The following RELN variants were observed in gnomAD, a reference collection of about 807,000 sequenced individuals.
RELN encodes the protein reelin.
In RELN, 108 loss-of-function variants were observed where a neutral mutation model predicts 427.6. That is an observed-to-expected ratio of 0.25 (90% confidence interval 0.22 to 0.30). RELN has a LOEUF of 0.30. Among genes scored for constraint, RELN ranks in the 10% least tolerant of loss-of-function variants. The probability of loss-of-function intolerance (pLI) is 1.00; values close to 1 mark genes in which losing one functional copy is unlikely to be tolerated. For synonymous variants in RELN, 1,524 were observed against 1,513.4 expected, an observed-to-expected ratio of 1.01 and a Z score of -0.16; for missense variants, 3,715 against 4,302.8, an observed-to-expected ratio of 0.86 and a Z score of 3.82.
In RELN at chr7:103,796,909, G is replaced by C. The variant is rs546916577; in HGVS notation, c.474-20282C>G. Among the ~76,000 whole-genome samples, 754 of 125,718 alleles carry C rather than the reference G, an allele frequency of 6.0e-3. 4 individuals are homozygous for C. The highest frequency in any genetic ancestry group is 0.022 in the African/African-American group (701 of 31,810). The allele number at this position is 125,718 out of a possible 152,430, so 82.5% of individuals were successfully genotyped here. On this transcript the variant is annotated intron_variant, in intron 3 of 64. Transcript: ENST00000428762. ...AAAAAAAAAAAGAAAGAAAGAAAAA[G>C]AAAAAGAAAAAGAAAGTAAGGATAC...
At chr7:103,747,084 C>G (rs369882229) in intron 6 of RELN, among the ~76,000 whole-genome samples, 1 of 152,130 alleles carries the variant, frequency 6.6e-6, no homozygotes, top group East Asian at 1.9e-4. Flanking sequence ...TATGCAGCCA[C>G]AAAAAATGAT....
chr7:103,514,533 C>T (rs909247260), intron 50 of RELN, among the ~76,000 whole-genome samples: 3 of 152,120 alleles, frequency 2.0e-5, no homozygotes. Context: ...GTGTCACATG[C>T]TTGTAATCCC....
At chr7:103,515,123 G>T (rs1829528317) in intron 50 of RELN, 62 bp downstream of exon 50, 3 of 1,609,322 alleles carry the variant, frequency 1.9e-6, no homozygotes, top group South Asian at 1.1e-5. Flanking sequence ...CTTTTGAAAA[G>T]ACCCAAATCC....
Position 103,543,549 on chromosome 7 carries a change from G to A in RELN, c.6524-671C>T, listed in dbSNP as rs186947547. ...TCATCTTGGCTACTTGGGAGGCTGA[G>A]GCAGGAGAATTACTTGAACCCGGGA... On this transcript the variant is annotated intron_variant, in intron 42 of 64. Transcript: ENST00000428762. 4.1e-4 allele frequency among the ~76,000 whole-genome samples: 63 copies of A among 152,168 alleles called. No homozygotes were observed. In the East Asian group the frequency reaches 0.01, roughly 25 times the overall value.
At chr7:103,712,597 A>C (rs756396729) in intron 8 of RELN, among the ~76,000 whole-genome samples, 11 of 152,228 alleles carry the variant, frequency 7.2e-5, no homozygotes, top group Non-Finnish European at 1.5e-4. Context: ...CTGCAGTGAA[A>C]TGCATGATAA....
chr7:103,543,065 G>A (rs529339696), intron 42 of RELN, among the ~76,000 whole-genome samples, 187 bp from the exon 43 acceptor site: 1 of 152,318 alleles, frequency 6.6e-6, no homozygotes, highest in South Asian at 2.1e-4. Flanking sequence ...AGCCTTGGCT[G>A]GAATAATTTA....
At chr7:103,942,193 A>G (rs980904736) in intron 1 of RELN, among the ~76,000 whole-genome samples, 1 of 152,168 alleles carries the variant, frequency 6.6e-6, no homozygotes, top group Non-Finnish European at 1.5e-5. Context: ...ATTTTCAAGG[A>G]TACAATAATT....
chr7:103,610,959 T>C, intron 21 of RELN, 152 bp from the exon 22 acceptor site: 1 of 671,674 alleles, frequency 1.5e-6, no homozygotes, highest in Middle Eastern at 2.4e-4. Context: ...TGATTTTTCT[T>C]TCCATGAAGC....
chr7:103,833,453 T>G (rs1326667245), intron 3 of RELN, 84 bp downstream of exon 3: 1 of 1,258,734 alleles, frequency 7.9e-7, no homozygotes, highest in African/African-American at 1.5e-5. Context: ...AATAAAACAC[T>G]TAAATAGTTA....
In RELN at chr7:103,670,691, A is replaced by G. The variant is rs77638628; in HGVS notation, c.1290-9164T>C. On this transcript the variant is annotated intron_variant, in intron 11 of 64. Transcript: ENST00000428762. ...AGCAAATAATTTCCAGGAAAAAGTC[A>G]GGCATTCAGTTTATATGAATTATAA... Among the ~76,000 whole-genome samples the G allele has an allele frequency of 2.5e-3, 380 of 152,164 alleles. 2 individuals carry two copies. Among genetic ancestry groups the G allele is most frequent in the Non-Finnish European group, 4.6e-3 (310 of 67,952 alleles).
intron 2 of RELN, among the ~76,000 whole-genome samples, chr7:103,904,054 T>A (rs1381183760): frequency 2.0e-5 from 3 of 152,108 alleles, no homozygotes; most frequent in African/African-American, 7.2e-5. Flanking sequence ...CCTCCCTGTG[T>A]CCATGTGTTC....
chr7:103,787,978 T>C (rs973285661), intron 3 of RELN, among the ~76,000 whole-genome samples: 1 of 152,166 alleles, frequency 6.6e-6, no homozygotes, highest in Non-Finnish European at 1.5e-5. Context: ...TCAAAAATCT[T>C]ATCCACCATG....
In RELN at chr7:103,682,136, T is replaced by A; in HGVS notation, c.1269A>T (p.Glu423Asp). Residue 423 changes from glutamate (E) to aspartate (D), a missense_variant, in exon 11 of 65, where the codon GAA becomes GAT. Transcript: ENST00000428762. ...TEDIQEQWSE[E>D]FESQPTGWDV... is the part of the protein sequence containing the mutation. ...CTTACCCTGTAGGCTGGCTCTCAAATTCTTCTGACCATTGCTCTTGAATAT... is the reference window on the plus strand; with the variant it reads ...CTTACCCTGTAGGCTGGCTCTCAAAATCTTCTGACCATTGCTCTTGAATAT... 6.2e-7 allele frequency: 1 copy of A among 1,613,998 alleles called. No individual in the cohort carries two copies. The highest frequency in any genetic ancestry group is 8.5e-7 in the Non-Finnish European group (1 of 1,179,906).
chr7:103,604,557 C>A, intron 22 of RELN, 74 bp from the exon 23 acceptor site: 1 of 1,511,108 alleles, frequency 6.6e-7, no homozygotes, highest in Non-Finnish European at 9.2e-7. Flanking sequence ...ATGTCAGAGT[C>A]CAAAATCTTT....
chr7:103,775,813 C>G (rs1791723774), intron 4 of RELN, among the ~76,000 whole-genome samples: 11 of 152,202 alleles, frequency 7.2e-5, no homozygotes, highest in Admixed American at 7.2e-4. Flanking sequence ...ATGTCAGCAT[C>G]TGGGGAACCA....
At chr7:103,872,030 A>ATTTTTTTTTTT (rs1554434458) in intron 2 of RELN, among the ~76,000 whole-genome samples, 1 of 138,442 alleles carries the variant, frequency 7.2e-6, no homozygotes, top group Non-Finnish European at 1.6e-5. Context: ...ATATATATAT[A>ATTTTTTTTTTT]TTTTTCTTTT....
chr7:103,495,975 CTTGAACTGACCGATTTA>C lies in RELN; in HGVS notation c.9194-94_9194-78del. The C allele has an allele frequency of 2.1e-6, 3 of 1,445,106 alleles. No individual in the cohort carries two copies. In the South Asian group the frequency reaches 3.4e-5, roughly 17 times the overall value. 89.5% of individuals were successfully genotyped at this position (1,445,106 alleles called of 1,614,324 possible). ...TGGAAGCAATATGGCATATTATTCT[CTTGAACTGACCGATTTA>C]TTGTTGAATTCCTTAAATTTTTATG... On this transcript the variant is annotated intron_variant, in intron 56 of 64. Coordinates refer to ENST00000428762, the MANE Select transcript of RELN (RefSeq NM_005045.4).
At chr7:103,721,248 ATCTC>A (rs4006770) in intron 8 of RELN, among the ~76,000 whole-genome samples, 125 of 144,884 alleles carry the variant, frequency 8.6e-4, no homozygotes, top group Admixed American at 1.3e-3. Context: ...TCTCCTTGCC[ATCTC>A]TCTCTCTCTC....
At chr7:103,591,213 C>T (rs569885720) in intron 27 of RELN, among the ~76,000 whole-genome samples, 18 of 152,076 alleles carry the variant, frequency 1.2e-4, no homozygotes, top group Admixed American at 5.2e-4. Context: ...CATTTGTTGG[C>T]GGGAGCCACA....
Sources: gnomAD v4.1 joint callset for allele counts (sites outside exome capture counted in the v4.1 genomes callset) on GRCh38, gnomAD v4.1.1 for gene constraint, MANE v1.5 for transcripts, NCBI Gene and HGNC (gene_info 2026-07-23, HGNC 2026-07-21) for gene names.